Variants in TBC1D22A observed in about 807,000 individuals in gnomAD.
TBC1D22A encodes putative GTPase activator.
A neutral mutation model predicts 60.2 loss-of-function variants in TBC1D22A; 38 were observed. The ratio of observed to expected loss-of-function variants is 0.63; its 90% confidence interval spans 0.49 to 0.83. TBC1D22A has a LOEUF of 0.83. TBC1D22A is among the 40% of genes least tolerant of loss of function. The pLI, the probability that TBC1D22A is intolerant of heterozygous loss-of-function variation, is 0.00. For synonymous variants in TBC1D22A, 302 were observed against 281.7 expected (o/e 1.07, Z -0.72); for missense variants, 628 against 701.0 (o/e 0.90, Z 1.18).
chr22:47,033,221 TG>T (rs1414494327), intron 10 of TBC1D22A, among the ~76,000 whole-genome samples: 1 of 152,218 alleles, frequency 6.6e-6, no homozygotes, highest in African/African-American at 2.4e-5. Flanking sequence ...GCCTGGATGG[TG>T]GAGCCCCCTC....
chr22:47,053,372 G>A (rs1159866248), intron 11 of TBC1D22A, among the ~76,000 whole-genome samples: 2 of 152,230 alleles, frequency 1.3e-5, no homozygotes. Context: ...TGCTATCCCA[G>A]TCCCCCTTGG....
chr22:47,136,108 G>A (rs1356113276), intron 12 of TBC1D22A, among the ~76,000 whole-genome samples: 4 of 152,226 alleles, frequency 2.6e-5, no homozygotes, highest in Admixed American at 6.5e-5. Context: ...AGTGAGGCAC[G>A]ATGGTGTGGA....
intron 8 of TBC1D22A, among the ~76,000 whole-genome samples, chr22:46,952,040 C>G (rs2072934776): frequency 6.6e-6 from 1 of 152,218 alleles, no homozygotes; most frequent in Non-Finnish European, 1.5e-5. Flanking sequence ...TGCTGAGCCC[C>G]ACAGCACAGG....
chr22:47,068,265 C>T (rs1261840342), intron 11 of TBC1D22A, among the ~76,000 whole-genome samples: 1 of 152,260 alleles, frequency 6.6e-6, no homozygotes, highest in African/African-American at 2.4e-5. Flanking sequence ...CAGGGCTCTT[C>T]CCTCCCTCTC....
chr22:46,895,711 C>G (rs1446358203), intron 7 of TBC1D22A, among the ~76,000 whole-genome samples: 1 of 152,198 alleles, frequency 6.6e-6, no homozygotes. Flanking sequence ...TCTGTTGTAT[C>G]TAGTTACATA....
Position 46,915,840 on chromosome 22 carries a change from T to C in TBC1D22A, c.1015+3652T>C, listed in dbSNP as rs1469089722. On this transcript the variant is annotated intron_variant, in intron 8 of 12. Coordinates refer to ENST00000337137, the MANE Select transcript of TBC1D22A (RefSeq NM_014346.5). ...AGGTGGGGAATCCTGGAGTGTGGCA[T>C]TGGTCCTGAGTAGGAGCAGCTCTTC... is the stretch of plus-strand genomic sequence containing the variant. 1.1e-5 allele frequency: 5 copies of C among 456,246 alleles called. No individual in the cohort carries two copies. The East Asian group carries it at 2.8e-4, about 25-fold the overall frequency. The allele number at this position is 456,246 out of a possible 1,614,324, so 28.3% of individuals were successfully genotyped here.
At chr22:46,986,150 A>G (rs1175697681) in intron 9 of TBC1D22A, among the ~76,000 whole-genome samples, 1 of 152,184 alleles carries the variant, frequency 6.6e-6, no homozygotes, top group Non-Finnish European at 1.5e-5. Context: ...ACATAATGCC[A>G]TTTGTTGAAA....
At chr22:47,104,717 C>T (rs1020373724) in intron 11 of TBC1D22A, among the ~76,000 whole-genome samples, 3 of 148,368 alleles carry the variant, frequency 2.0e-5, no homozygotes, top group African/African-American at 7.5e-5. Context: ...AAAAAAGATT[C>T]AATAGGAAAC....
At chr22:46,784,488 A>G (rs1275178464) in intron 1 of TBC1D22A, among the ~76,000 whole-genome samples, 1 of 152,256 alleles carries the variant, frequency 6.6e-6, no homozygotes, top group Non-Finnish European at 1.5e-5. Flanking sequence ...AAAATCAAAT[A>G]AAAGTGCAAT....
At chr22:46,846,670 C>T (rs1393754141) in intron 4 of TBC1D22A, among the ~76,000 whole-genome samples, 3 of 152,258 alleles carry the variant, frequency 2.0e-5, no homozygotes, top group East Asian at 3.9e-4. Flanking sequence ...CAGCCAGATT[C>T]GGCGGGTATC....
intron 12 of TBC1D22A, among the ~76,000 whole-genome samples, chr22:47,152,587 C>G (rs531870671): frequency 3.9e-5 from 6 of 152,368 alleles, no homozygotes; most frequent in African/African-American, 1.4e-4. Flanking sequence ...CGCTCTCTGT[C>G]GCTTCTAAGT....
chr22:46,816,250 G>C (rs966981142), intron 4 of TBC1D22A, among the ~76,000 whole-genome samples: 10 of 152,144 alleles, frequency 6.6e-5, no homozygotes, highest in Admixed American at 6.5e-4. Context: ...CATGTGCCTC[G>C]TTCCCCCACA....
chr22:47,148,732 T>C (rs2067382661), intron 12 of TBC1D22A, among the ~76,000 whole-genome samples: 2 of 148,092 alleles, frequency 1.4e-5, no homozygotes, highest in African/African-American at 5.1e-5. Context: ...CTGGGTCCTC[T>C]CCTGGGGTCC....
In TBC1D22A at chr22:46,801,122, GT is replaced by G. The variant is rs554549085; in HGVS notation, c.637+3509del. Among the ~76,000 whole-genome samples the G allele has an allele frequency of 4.8e-3, 729 of 152,290 alleles. 4 individuals carry two copies. Among genetic ancestry groups the G allele is most frequent in the African/African-American group, 0.016 (682 of 41,562 alleles). ...TTTTGTTAGGTTGAGGGGACTGTGG[GT>G]TTTTTTCTTTCTTTATAATTCTATG... On this transcript the variant is annotated intron_variant, in intron 4 of 12. Transcript: ENST00000337137.
At chr22:47,100,608 G>A (rs1376778032) in intron 11 of TBC1D22A, among the ~76,000 whole-genome samples, 2 of 152,176 alleles carry the variant, frequency 1.3e-5, no homozygotes, top group Admixed American at 6.5e-5. Flanking sequence ...TTTAAAAAGA[G>A]GTGCTCCTCT....
chr22:47,149,635 C>T (rs28667677), intron 12 of TBC1D22A, among the ~76,000 whole-genome samples: 4,012 of 152,296 alleles, frequency 0.026, 124 homozygotes, highest in African/African-American at 0.077. Context: ...TCACAGAGGC[C>T]GGAAGGATGG....
chr22:46,995,561 C>T (rs775182278), intron 9 of TBC1D22A, among the ~76,000 whole-genome samples: 6 of 152,034 alleles, frequency 3.9e-5, no homozygotes, highest in South Asian at 2.1e-4. Flanking sequence ...GTGCTGGCTG[C>T]GTGTGTTCAC....
intron 4 of TBC1D22A, among the ~76,000 whole-genome samples, chr22:46,878,199 G>A (rs2067655980): frequency 6.8e-6 from 1 of 147,690 alleles, no homozygotes; most frequent in Non-Finnish European, 1.5e-5. Flanking sequence ...ATATATGTAT[G>A]CTTAAATAGC....
At chr22:47,155,685 C>T (rs1273835867) in intron 12 of TBC1D22A, among the ~76,000 whole-genome samples, 1 of 149,516 alleles carries the variant, frequency 6.7e-6, no homozygotes, top group African/African-American at 2.5e-5. Flanking sequence ...TCCCAGACAC[C>T]ACGGCCGTTC....
Sources: allele counts gnomAD v4.1 joint callset (sites outside exome capture counted in the v4.1 genomes callset), GRCh38; gene constraint gnomAD v4.1.1; transcripts MANE v1.5; gene names NCBI Gene and HGNC (gene_info 2026-07-23, HGNC 2026-07-21).